The following UNC79 variants were observed in gnomAD, a reference collection of about 807,000 sequenced individuals.
UNC79 encodes protein unc-79 homolog.
In UNC79, 37 loss-of-function variants were observed where a neutral mutation model predicts 283.1. The observed-to-expected ratio is 0.13, with a 90% CI of 0.10 to 0.17. UNC79 has a LOEUF of 0.17. UNC79 is among the 10% of genes least tolerant of loss of function. UNC79 has a pLI of 1.00. For synonymous variants in UNC79, 1,107 were observed against 1,200.2 expected, an observed-to-expected ratio of 0.92 and a Z score of 1.61; for missense variants, 2,272 against 3,211.1, an observed-to-expected ratio of 0.71 and a Z score of 7.07.
chr14:93,359,916 CTG>C (rs1434610017), intron 1 of UNC79, among the ~76,000 whole-genome samples: 2 of 152,274 alleles, frequency 1.3e-5, no homozygotes, highest in South Asian at 2.1e-4. Flanking sequence ...ACCAGGGTAA[CTG>C]TGCACTGGGG....
chr14:93,347,490 C>T (rs2053879582), intron 1 of UNC79: 16 of 1,309,564 alleles, frequency 1.2e-5, no homozygotes, highest in Non-Finnish European at 1.6e-5. Context: ...GGCGTGCAGG[C>T]CTCGCGTGGG....
intron 11 of UNC79, 52 bp downstream of exon 11, chr14:93,532,630 TA>T (rs750202842): frequency 6.2e-7 from 1 of 1,601,136 alleles, no homozygotes; most frequent in Non-Finnish European, 8.5e-7. Flanking sequence ...TGTTTGTATG[TA>T]AATTCATTTA....
At chr14:93,592,262 C>G (rs2064747154) in intron 22 of UNC79, among the ~76,000 whole-genome samples, 1 of 149,644 alleles carries the variant, frequency 6.7e-6, no homozygotes, top group East Asian at 2.0e-4. Flanking sequence ...GCAAGCTCTG[C>G]CTCCCGGGTT....
At chr14:93,641,997 C>A (rs1197644002) in intron 33 of UNC79, among the ~76,000 whole-genome samples, 1 of 152,088 alleles carries the variant, frequency 6.6e-6, no homozygotes, top group African/African-American at 2.4e-5. Context: ...TTGCCTTCCA[C>A]CATGATTGTG....
At chr14:93,677,272 T>C (rs1335538638) in intron 41 of UNC79, among the ~76,000 whole-genome samples, 3 of 152,156 alleles carry the variant, frequency 2.0e-5, no homozygotes. Flanking sequence ...GGTATATTAG[T>C]CTGTTCTCAT....
At chr14:93,645,360 C>A (rs970626216) in intron 34 of UNC79, among the ~76,000 whole-genome samples, 1 of 152,202 alleles carries the variant, frequency 6.6e-6, no homozygotes, top group Admixed American at 6.5e-5. Flanking sequence ...ATATTTAAAT[C>A]TCTACCTCCT....
Position 93,518,779 on chromosome 14 carries a change from C to A in UNC79, c.899-5199C>A, listed in dbSNP as rs1299356586. Among the ~76,000 whole-genome samples the A allele has an allele frequency of 3.3e-5, 5 of 151,658 alleles. No individual in the cohort carries two copies. The East Asian group carries it at 9.6e-4, about 29-fold the overall frequency. ...CAGTGCAGGATATTTTCTAAAGTTT[C>A]TTCTTTCATTCATGAATTGTTTAGA... On this transcript the variant is annotated intron_variant, in intron 7 of 48. Transcript: ENST00000555664.
At chr14:93,637,500 T>C (rs558785087) in intron 32 of UNC79, among the ~76,000 whole-genome samples, 1 of 152,308 alleles carries the variant, frequency 6.6e-6, no homozygotes, top group South Asian at 2.1e-4. Flanking sequence ...ATAGTGACTT[T>C]CTAACCCTTG....
chr14:93,433,081 C>T (rs903741921), intron 1 of UNC79, among the ~76,000 whole-genome samples: 1 of 152,170 alleles, frequency 6.6e-6, no homozygotes, highest in Non-Finnish European at 1.5e-5. Context: ...ATATCTGGAG[C>T]TAGAACATGT....
intron 35 of UNC79, 68 bp from the exon 39 acceptor site, chr14:93,653,674 A>G (rs2140340829): frequency 1.4e-6 from 2 of 1,406,724 alleles, no homozygotes; most frequent in East Asian, 4.6e-5. Context: ...TCTGAACTCT[A>G]AGTAAATATC....
intron 1 of UNC79, among the ~76,000 whole-genome samples, chr14:93,412,322 T>C (rs1274390951): frequency 3.9e-5 from 6 of 152,040 alleles, no homozygotes; most frequent in Admixed American, 3.3e-4. Flanking sequence ...CTAACAGTTA[T>C]TGGCCTTAAA....
At chr14:93,645,783 CTA>C (rs1216372206) in intron 34 of UNC79, among the ~76,000 whole-genome samples, 2 of 152,046 alleles carry the variant, frequency 1.3e-5, no homozygotes, top group Non-Finnish European at 2.9e-5. Context: ...CAATGTTTAT[CTA>C]TTTTTTGTAG....
Position 93,341,585 on chromosome 14 carries a change from T to C in UNC79, c.-351+8062T>C, listed in dbSNP as rs144254009. Among the ~76,000 whole-genome samples, 39 of 148,540 alleles carry C rather than the reference T, an allele frequency of 2.6e-4. 1 individual carries two copies. Among genetic ancestry groups the C allele is most frequent in the South Asian group, 2.4e-3 (11 of 4,652 alleles). On this transcript the variant is annotated intron_variant, in intron 1 of 49. Transcript: ENST00000256339. ...TTTGAGACCATCAGCCTAAGCAAAA[T>C]TGTGAGACTCTGTCTCTACAAAAAA... is the stretch of plus-strand genomic sequence containing the variant.
chr14:93,610,909 C>G (rs1376225089), intron 26 of UNC79, among the ~76,000 whole-genome samples: 1 of 152,180 alleles, frequency 6.6e-6, no homozygotes, highest in Non-Finnish European at 1.5e-5. Flanking sequence ...CTTTGCCCAG[C>G]CTGAGTAAAC....
chr14:93,691,986 C>T, intron 46 of UNC79, 40 bp downstream of exon 49: 3 of 1,607,124 alleles, frequency 1.9e-6, no homozygotes, highest in Non-Finnish European at 2.6e-6. Context: ...GATGGAATCT[C>T]AAAGTGTCCA....
At chr14:93,581,100 C>T (rs1409491448) in intron 19 of UNC79, among the ~76,000 whole-genome samples, 1 of 152,086 alleles carries the variant, frequency 6.6e-6, no homozygotes, top group Non-Finnish European at 1.5e-5. Context: ...CATGTTATAG[C>T]AGTTTTTCAC....
chr14:93,686,596 G>A lies in UNC79; in HGVS notation c.6844G>A (p.Val2282Met), dbSNP rs1391334261. ...GTGTGGGACTGCAGCGATGGAGTGTGTGAGGCAGTACATCAACGAAGTGCT... is the reference window on the plus strand; with the variant it reads ...GTGTGGGACTGCAGCGATGGAGTGTATGAGGCAGTACATCAACGAAGTGCT... The change falls in exon 43 of 49, where the codon GTG becomes ATG. Residue 2282 changes from valine (V) to methionine (M), a missense_variant. By Grantham distance (21) the Val-to-Met change is conservative. Around this residue, in one of 11 missense-constraint regions of UNC79, gnomAD observed 287 missense variants for 446.4 expected, o/e 0.64. Coordinates refer to ENST00000555664, the Ensembl canonical transcript of UNC79. 2 of 1,614,176 alleles carry A rather than the reference G, an allele frequency of 1.2e-6. No individual in the cohort carries two copies. Among genetic ancestry groups the A allele is most frequent in the Admixed American group, 3.3e-5 (2 of 60,028 alleles).
chr14:93,539,248 C>T (rs940904729), intron 12 of UNC79, among the ~76,000 whole-genome samples: 25 of 148,514 alleles, frequency 1.7e-4, no homozygotes, highest in African/African-American at 5.7e-4. Flanking sequence ...TATGGCCGGG[C>T]GCAGTGGCTC....
chr14:93,620,523 G>A (rs150256239), intron 29 of UNC79, among the ~76,000 whole-genome samples: 273 of 152,104 alleles, frequency 1.8e-3, no homozygotes, highest in Non-Finnish European at 3.2e-3. Context: ...GAAAATCCAC[G>A]CAAAGCAGAC....
Sources: gnomAD v4.1 joint callset for allele counts (sites outside exome capture counted in the v4.1 genomes callset) on GRCh38, gnomAD v4.1.1 for gene constraint, gnomAD v4.1.1 regional missense constraint, MANE v1.5 for transcripts, NCBI Gene and HGNC (gene_info 2026-07-23, HGNC 2026-07-21) for gene names.